Variants in ST6GALNAC3 observed in about 807,000 individuals in gnomAD.
ST6GALNAC3 encodes the protein ST6 N-acetylgalactosaminide alpha-2,6-sialyltransferase 3.
In ST6GALNAC3, 25 loss-of-function variants were observed where a neutral mutation model predicts 32.7. That is an observed-to-expected ratio of 0.76 (90% CI 0.56 to 1.07). The LOEUF is 1.07. ST6GALNAC3 is among the 50% of genes least tolerant of loss of function. The pLI is 0.00. For synonymous variants in ST6GALNAC3, 129 were observed against 133.1 expected (o/e 0.97, Z 0.21); for missense variants, 355 against 382.4 (o/e 0.93, Z 0.60).
intron 1 of ST6GALNAC3, among the ~76,000 whole-genome samples, chr1:76,236,056 A>G (rs1276804605): frequency 6.6e-6 from 1 of 151,660 alleles, no homozygotes; most frequent in African/African-American, 2.4e-5. Context: ...GCTCACTGCA[A>G]CCTCTGCCTC....
At chr1:76,300,122 A>T (rs1570739964) in intron 1 of ST6GALNAC3, among the ~76,000 whole-genome samples, 1 of 152,064 alleles carries the variant, frequency 6.6e-6, no homozygotes, top group Non-Finnish European at 1.5e-5. Context: ...CAAGGGTTAA[A>T]AAAGGAAGTA....
intron 3 of ST6GALNAC3, among the ~76,000 whole-genome samples, chr1:76,518,662 T>C (rs1172447323): frequency 4.6e-5 from 7 of 152,150 alleles, no homozygotes; most frequent in Non-Finnish European, 8.8e-5. Flanking sequence ...TCTTTCTACT[T>C]CCCTGCCCCT....
intron 1 of ST6GALNAC3, among the ~76,000 whole-genome samples, chr1:76,208,871 G>T (rs1456186126): frequency 1.3e-5 from 2 of 152,180 alleles, no homozygotes; most frequent in African/African-American, 4.8e-5. Context: ...CTGGAGACAA[G>T]TAGTGCTGAT....
intron 1 of ST6GALNAC3, among the ~76,000 whole-genome samples, chr1:76,210,298 A>T (rs1187645303): frequency 3.3e-5 from 5 of 152,126 alleles, no homozygotes; most frequent in Non-Finnish European, 7.4e-5. Flanking sequence ...TGAGACCTTT[A>T]TGTACCTTAG....
intron 3 of ST6GALNAC3, among the ~76,000 whole-genome samples, chr1:76,503,975 T>TA (rs1412972594): frequency 2.6e-5 from 4 of 152,190 alleles, no homozygotes; most frequent in African/African-American, 9.7e-5. Context: ...CTGGGTTTTT[T>TA]ATCTCTATAT....
At chr1:76,229,486 C>T (rs1656246037) in intron 1 of ST6GALNAC3, among the ~76,000 whole-genome samples, 1 of 152,210 alleles carries the variant, frequency 6.6e-6, no homozygotes, top group African/African-American at 2.4e-5. Context: ...ACTTCTCTTC[C>T]TGCCTTTGTG....
intron 3 of ST6GALNAC3, among the ~76,000 whole-genome samples, chr1:76,612,582 C>G (rs1293043685): frequency 5.3e-5 from 8 of 152,074 alleles, no homozygotes; most frequent in Non-Finnish European, 5.9e-5. Flanking sequence ...CCATTAATTC[C>G]TGAACAACAA....
downstream of ST6GALNAC3, among the ~76,000 whole-genome samples, chr1:76,636,469 CT>C (rs1649508147): frequency 2.6e-5 from 4 of 152,170 alleles, no homozygotes; most frequent in Admixed American, 1.3e-4. Context: ...TTTCTTGAAT[CT>C]TAAATTTAGG....
intron 2 of ST6GALNAC3, among the ~76,000 whole-genome samples, chr1:76,321,990 G>A (rs1007419071): frequency 1.3e-5 from 2 of 152,094 alleles, no homozygotes; most frequent in East Asian, 1.9e-4. Context: ...TGTAGTGATC[G>A]GTTCCTCAGG....
At chr1:76,567,178 C>T (rs148077243) in intron 3 of ST6GALNAC3, among the ~76,000 whole-genome samples, 1 of 152,200 alleles carries the variant, frequency 6.6e-6, no homozygotes, top group Non-Finnish European at 1.5e-5. Context: ...GGATCAAATT[C>T]AATATGATTT....
intron 1 of ST6GALNAC3, among the ~76,000 whole-genome samples, chr1:76,138,232 G>A (rs969477432): frequency 6.6e-6 from 1 of 152,282 alleles, no homozygotes; most frequent in East Asian, 1.9e-4. Flanking sequence ...ATCATTTTCA[G>A]AAGGGCTTAT....
intron 3 of ST6GALNAC3, among the ~76,000 whole-genome samples, chr1:76,453,790 G>A (rs770395408): frequency 2.0e-5 from 3 of 152,100 alleles, no homozygotes; most frequent in Non-Finnish European, 4.4e-5. Context: ...TATCTGTTAA[G>A]TTCATTTGTT....
Position 76,199,481 on chromosome 1 carries a change from A to G in ST6GALNAC3, c.19-114324A>G, listed in dbSNP as rs7549935. 5.1e-3 allele frequency among the ~76,000 whole-genome samples: 782 copies of G among 152,322 alleles called. 12 individuals are homozygous for G. Among genetic ancestry groups the G allele is most frequent in the African/African-American group, 0.018 (744 of 41,566 alleles). On this transcript the variant is annotated intron_variant, in intron 1 of 4. Coordinates refer to ENST00000328299, the MANE Select transcript of ST6GALNAC3 (RefSeq NM_152996.4). ...TTTAATTCAGAGGTGTGTAGCTATCACCAAAGGGTTATGATGTCATGTAAC... is the reference window on the plus strand; with the variant it reads ...TTTAATTCAGAGGTGTGTAGCTATCGCCAAAGGGTTATGATGTCATGTAAC...
At chr1:76,261,873 C>A (rs1022402919) in intron 1 of ST6GALNAC3, among the ~76,000 whole-genome samples, 1 of 152,120 alleles carries the variant, frequency 6.6e-6, no homozygotes, top group African/African-American at 2.4e-5. Flanking sequence ...TTTTCGTTTC[C>A]TTTCTATATT....
intron 1 of ST6GALNAC3, among the ~76,000 whole-genome samples, chr1:76,291,617 T>C (rs1386196758): frequency 6.6e-6 from 1 of 152,242 alleles, no homozygotes. Context: ...AAATAAGTAG[T>C]AGCTCCTTAA....
chr1:76,097,010 G>C (rs1251574), intron 1 of ST6GALNAC3, among the ~76,000 whole-genome samples: 52,752 of 149,824 alleles, frequency 0.35, 9,761 homozygotes, highest in Admixed American at 0.43. Context: ...TCTCCGCCTC[G>C]CGGGTTCAAG....
chr1:76,101,226 T>G (rs1314065561), intron 1 of ST6GALNAC3, among the ~76,000 whole-genome samples: 1 of 152,188 alleles, frequency 6.6e-6, no homozygotes, highest in African/African-American at 2.4e-5. Flanking sequence ...TAGTTTTGCC[T>G]TTTCCGGAAG....
At chr1:76,329,697 C>T (rs1006424641) in intron 2 of ST6GALNAC3, among the ~76,000 whole-genome samples, 2 of 152,128 alleles carry the variant, frequency 1.3e-5, no homozygotes, top group African/African-American at 4.8e-5. Context: ...ACACATGGAT[C>T]ATTCTTTAGG....
chr1:76,306,824 A>G (rs1481281885), intron 1 of ST6GALNAC3, among the ~76,000 whole-genome samples: 1 of 152,062 alleles, frequency 6.6e-6, no homozygotes, highest in African/African-American at 2.4e-5. Flanking sequence ...AGTTTTTAAC[A>G]TGCCTGTACA....
Sources: allele counts gnomAD v4.1 joint callset (sites outside exome capture counted in the v4.1 genomes callset), GRCh38; gene constraint gnomAD v4.1.1; transcripts MANE v1.5; gene names NCBI Gene and HGNC (gene_info 2026-07-23, HGNC 2026-07-21).